FUT8: variants seen among roughly 807,000 people sequenced by gnomAD.
FUT8 encodes alpha-(1,6)-fucosyltransferase.
Under a neutral mutation model 71.3 loss-of-function variants are expected in FUT8, and 29 were observed. That is an observed-to-expected ratio of 0.41 (90% CI 0.30 to 0.55). FUT8 has a LOEUF of 0.55. FUT8 is among the 20% of genes least tolerant of loss of function. The pLI, the probability that FUT8 is intolerant of heterozygous loss-of-function variation, is 0.34. For synonymous variants in FUT8, 254 were observed against 239.3 expected, an observed-to-expected ratio of 1.06 and a Z score of -0.57; for missense variants, 544 against 702.1, an observed-to-expected ratio of 0.77 and a Z score of 2.55.
intron 3 of FUT8, among the ~76,000 whole-genome samples, chr14:65,614,108 T>G (rs1889154767): frequency 1.1e-5 from 1 of 95,214 alleles, no homozygotes. Flanking sequence ...ATCGAGACTG[T>G]GTCAAAAAAA....
chr14:65,475,257 C>T (rs1317442599), intron 2 of FUT8, among the ~76,000 whole-genome samples: 1 of 152,088 alleles, frequency 6.6e-6, no homozygotes, highest in Non-Finnish European at 1.5e-5. Flanking sequence ...TACAGGAAGT[C>T]CCCTGATTTC....
chr14:65,721,665 ACTT>A lies in FUT8; in HGVS notation c.836-106_836-104del, dbSNP rs1895423040. ...ACTTCCTTTGTAAAGTGAAGATTAT[ACTT>A]CTTTAGAGTTGCTGTGAGGATGAAA... is the stretch of plus-strand genomic sequence containing the variant. On this transcript the variant is annotated intron_variant, in intron 7 of 10. Coordinates refer to ENST00000673929, the MANE Select transcript of FUT8 (RefSeq NM_001371533.1). 6.6e-6 allele frequency: 7 copies of A among 1,060,766 alleles called. No individual in the cohort carries two copies. In the South Asian group the frequency reaches 8.9e-5, roughly 13 times the overall value. 65.7% of individuals were successfully genotyped at this position (1,060,766 alleles called of 1,614,324 possible).
At chr14:65,631,208 A>G (rs1399784375) in intron 6 of FUT8, among the ~76,000 whole-genome samples, 1 of 152,192 alleles carries the variant, frequency 6.6e-6, no homozygotes, top group Non-Finnish European at 1.5e-5. Context: ...GTGCAGAACC[A>G]TCATCCTTAT....
Position 65,561,666 on chromosome 14 carries a change from C to T in FUT8, c.103C>T (p.His35Tyr). ...TGGTCACTTGGTACGAGATAATGAC[C>T]ATCCTGATCACTCTAGCCGAGAACT... ...IGGHLVRDND[H>Y]PDHSSRELSK... The change falls in exon 3 of 11, where the codon CAT becomes TAT. Residue 35 changes from histidine (H) to tyrosine (Y), a missense_variant. Coordinates refer to ENST00000673929, the MANE Select transcript of FUT8 (RefSeq NM_001371533.1). The T allele has an allele frequency of 6.2e-7, 1 of 1,613,478 alleles. No individual in the cohort carries two copies. The highest frequency in any genetic ancestry group is 1.1e-5 in the South Asian group (1 of 91,074).
At chr14:65,711,405 A>G (rs925590760) in intron 7 of FUT8, among the ~76,000 whole-genome samples, 3 of 152,184 alleles carry the variant, frequency 2.0e-5, no homozygotes, top group South Asian at 2.1e-4. Context: ...TGTTAAAGGA[A>G]GGCAGCCCTA....
At chr14:65,665,638 T>C (rs1275838425) in intron 6 of FUT8, among the ~76,000 whole-genome samples, 1 of 152,166 alleles carries the variant, frequency 6.6e-6, no homozygotes, top group Admixed American at 6.5e-5. Context: ...TATGCATATG[T>C]TCATTGCAGC....
intron 7 of FUT8, among the ~76,000 whole-genome samples, chr14:65,679,488 T>C (rs1041057932): frequency 2.6e-5 from 4 of 152,184 alleles, no homozygotes; most frequent in African/African-American, 9.6e-5. Flanking sequence ...ATGACCATCT[T>C]AGAGGCACCC....
chr14:65,485,735 C>T (rs1393676365), intron 2 of FUT8, among the ~76,000 whole-genome samples: 1 of 152,200 alleles, frequency 6.6e-6, no homozygotes, highest in African/African-American at 2.4e-5. Context: ...TTTCCCGGGG[C>T]TAGCTACCTT....
At chr14:65,430,196 G>T (rs2411821) in intron 1 of FUT8, 120,772 of 148,566 alleles carry the variant, frequency 0.81, 48,955 homozygotes, top group East Asian at 1. Context: ...ATTTTTTTTT[G>T]TTTTTGATAT....
At chr14:65,491,946 G>A (rs2066488031) in intron 2 of FUT8, among the ~76,000 whole-genome samples, 1 of 152,144 alleles carries the variant, frequency 6.6e-6, no homozygotes, top group Non-Finnish European at 1.5e-5. Flanking sequence ...GTGTTGTGAT[G>A]TAATATAGTG....
rs547299580 is a variant in FUT8 at position 65,565,954 on chromosome 14, GTATAA to G, written c.203+4196_203+4200del. ...ATATTTATTAGTAATATAAAATATGGTATAATATAATAAAAAACAAAAACATGGTG... is the reference window on the plus strand; with the variant it reads ...ATATTTATTAGTAATATAAAATATGGTATAATAAAAAACAAAAACATGGTG... On this transcript the variant is annotated intron_variant, in intron 3 of 10. Transcript: ENST00000673929. 7.6e-3 allele frequency among the ~76,000 whole-genome samples: 1,156 copies of G among 151,610 alleles called. 10 individuals carry two copies. The highest frequency in any genetic ancestry group is 0.041 in the Middle Eastern group (12 of 294).
At chr14:65,628,711 C>G (rs1007750517) in intron 5 of FUT8, among the ~76,000 whole-genome samples, 1 of 152,074 alleles carries the variant, frequency 6.6e-6, no homozygotes, top group Non-Finnish European at 1.5e-5. Context: ...TTTTACTTTA[C>G]TCTGCAGGTA....
the FUT8 span, among the ~76,000 whole-genome samples, chr14:65,367,852 C>T: frequency 2.0e-5 from 3 of 152,096 alleles, no homozygotes; most frequent in Non-Finnish European, 4.4e-5. Context: ...TCCCCCATCT[C>T]TTTACTCCCA....
At chr14:65,697,229 T>C (rs1729432462) in intron 7 of FUT8, among the ~76,000 whole-genome samples, 1 of 152,224 alleles carries the variant, frequency 6.6e-6, no homozygotes, top group Admixed American at 6.5e-5. Context: ...GCCATAGCTA[T>C]GGTATCAGAT....
intron 3 of FUT8, among the ~76,000 whole-genome samples, chr14:65,577,133 A>G (rs1886833890): frequency 6.6e-6 from 1 of 152,018 alleles, no homozygotes; most frequent in Non-Finnish European, 1.5e-5. Context: ...TACAGATATG[A>G]GCCATTGCGC....
At chr14:65,699,168 AC>A (rs1379780317) in intron 7 of FUT8, among the ~76,000 whole-genome samples, 3 of 147,956 alleles carry the variant, frequency 2.0e-5, no homozygotes, top group South Asian at 2.1e-4. Context: ...ACACACACAC[AC>A]ACACACACAC....
At chr14:65,693,063 T>C (rs913361644) in intron 7 of FUT8, among the ~76,000 whole-genome samples, 2 of 138,380 alleles carry the variant, frequency 1.4e-5, no homozygotes, top group African/African-American at 5.5e-5. Flanking sequence ...TCCCAGACAA[T>C]GGGCAGCCAG....
chr14:65,378,084 A>AT, the FUT8 span, among the ~76,000 whole-genome samples: 1 of 152,232 alleles, frequency 6.6e-6, no homozygotes, highest in Non-Finnish European at 1.5e-5. Context: ...GTTACTTATT[A>AT]TTTAACTCAG....
At chr14:65,457,516 G>A (rs1055608713) in intron 2 of FUT8, among the ~76,000 whole-genome samples, 4 of 152,120 alleles carry the variant, frequency 2.6e-5, no homozygotes, top group African/African-American at 7.2e-5. Flanking sequence ...CTCAGACACC[G>A]AGTTATAGAA....
Sources: gnomAD v4.1 joint callset for allele counts (sites outside exome capture counted in the v4.1 genomes callset) on GRCh38, gnomAD v4.1.1 for gene constraint, MANE v1.5 for transcripts, NCBI Gene and HGNC (gene_info 2026-07-23, HGNC 2026-07-21) for gene names.